Variants in KIR2DL1 observed in about 807,000 individuals in gnomAD.
The protein encoded by KIR2DL1 is killer cell immunoglobulin-like receptor 2DL1.
In KIR2DL1, 38 loss-of-function variants were observed where a neutral mutation model predicts 33.9. The ratio of observed to expected loss-of-function variants is 1.12; its 90% CI spans 0.86 to 1.47. KIR2DL1 has a LOEUF of 1.47. Ranked by LOEUF, KIR2DL1 falls within the 40% of genes most tolerant of loss-of-function variation. The probability of loss-of-function intolerance (pLI) is 0.00; values close to 1 mark genes in which losing one functional copy is unlikely to be tolerated. For missense variants in KIR2DL1, 531 were observed against 433.9 expected (o/e 1.22, Z -1.99); for synonymous variants, 179 against 165.9 (o/e 1.08, Z -0.61).
chr19:54,770,031 G>C, intron 1 of KIR2DL1, 147 bp downstream of exon 1: 2 of 1,036,458 alleles, frequency 1.9e-6, no homozygotes, highest in South Asian at 2.6e-5. Flanking sequence ...ATGGAGTGAT[G>C]GGCCTAGAAG....
intron 5 of KIR2DL1, among the ~76,000 whole-genome samples, chr19:54,782,619 G>A: frequency 6.6e-6 from 1 of 152,036 alleles, no homozygotes; most frequent in Admixed American, 6.5e-5. Flanking sequence ...TGTTCATGAT[G>A]GATCCACCTC....
Position 54,769,868 on chromosome 19 carries a change from C to A in KIR2DL1, c.18C>A (p.Val6=). 1 of 1,569,718 alleles carries A rather than the reference C, an allele frequency of 6.4e-7. No individual in the cohort carries two copies. The highest frequency in any genetic ancestry group is 8.7e-7 in the Non-Finnish European group (1 of 1,147,024). Residue 6 remains valine, a synonymous_variant, in exon 1 of 8, where the codon GTC becomes GTA. Coordinates refer to ENST00000336077, the MANE Select transcript of KIR2DL1 (RefSeq NM_014218.3). ...GCAGCACCATGTCGCTCTTGGTCGT[C>A]AGCATGGCGTGTGTTGGTGAGTCCT... MSLLV[V]SMACVGFFLL...
intron 5 of KIR2DL1, among the ~76,000 whole-genome samples, chr19:54,781,439 G>T (rs1365485949): frequency 1.3e-5 from 2 of 149,644 alleles, no homozygotes; most frequent in Non-Finnish European, 3.0e-5. Context: ...AAAAAAACTT[G>T]CCCACTCACC....
chr19:54,782,918 C>T lies in KIR2DL1; in HGVS notation c.716-4C>T. 1.9e-6 allele frequency: 3 copies of T among 1,613,016 alleles called. No homozygotes were observed. The highest frequency in any genetic ancestry group is 1.7e-6 in the Non-Finnish European group (2 of 1,179,254). The stretch of plus-strand genomic sequence containing the variant: ...CTTCTTATTGGTGTCTCATCTTCTT[C>T]CAGGTAACCCCCGACACCTGCACAT... On this transcript the variant is annotated splice_region_variant and splice_polypyrimidine_tract_variant and intron_variant, in intron 5 of 7. Coordinates refer to ENST00000336077, the MANE Select transcript of KIR2DL1 (RefSeq NM_014218.3).
intron 3 of KIR2DL1, among the ~76,000 whole-genome samples, chr19:54,774,921 G>A (rs544250778): frequency 1.3e-5 from 2 of 148,464 alleles, no homozygotes; most frequent in African/African-American, 4.9e-5. Context: ...TCCAAGGAGA[G>A]TCAGAGAGAA....
chr19:54,775,047 T>TGAGA lies in KIR2DL1; in HGVS notation c.371-102_371-99dup, dbSNP rs770060244. On this transcript the variant is annotated intron_variant, in intron 3 of 7. Transcript: ENST00000336077. Reference sequence around the variant, plus strand: ...ACATGAAGAGCGATGGGGTAGAGGGTGAGAGAGAGAGAGAGAGAGCATTAG... The same window carrying TGAGA: ...ACATGAAGAGCGATGGGGTAGAGGGTGAGAGAGAGAGAGAGAGAGAGAGCATTAG... The TGAGA allele has an allele frequency of 8.0e-5, 93 of 1,169,168 alleles. 4 individuals are homozygous for TGAGA. In the Admixed American group the frequency reaches 9.4e-4, roughly 12 times the overall value. 72.4% of individuals were successfully genotyped at this position (1,169,168 alleles called of 1,614,324 possible). A position where few individuals can be genotyped will look rare whatever the true frequency, so the allele number is the denominator to read the frequency against.
intron 3 of KIR2DL1, among the ~76,000 whole-genome samples, chr19:54,774,607 G>C (rs1207334494): frequency 1.3e-5 from 2 of 148,280 alleles, no homozygotes; most frequent in African/African-American, 2.5e-5. Context: ...ATGAGACATA[G>C]AGATGATGAT....
chr19:54,782,058 T>C (rs769777468), intron 5 of KIR2DL1, among the ~76,000 whole-genome samples: 1 of 152,048 alleles, frequency 6.6e-6, no homozygotes, highest in East Asian at 1.9e-4. Flanking sequence ...GAAACCTATA[T>C]TTCAATGTGA....
At chr19:54,771,812 A>T (rs149210665) in intron 2 of KIR2DL1, among the ~76,000 whole-genome samples, 2,405 of 147,894 alleles carry the variant, frequency 0.016, 213 homozygotes, top group South Asian at 0.037. Context: ...ACACGCAGGG[A>T]CCTATACATG....
At chr19:54,775,670 C>T (rs1356069929) in intron 4 of KIR2DL1, among the ~76,000 whole-genome samples, 1 of 148,476 alleles carries the variant, frequency 6.7e-6, no homozygotes, top group East Asian at 1.9e-4. Flanking sequence ...CTCCAGGCAC[C>T]CAGGCAGATG....
At position 54,778,993 on chromosome 19, in the gene KIR2DL1, A is replaced by T. The variant is rs558833780; in HGVS notation, c.715+331A>T. 3.4e-5 allele frequency among the ~76,000 whole-genome samples: 5 copies of T among 146,688 alleles called. No individual in the cohort carries two copies. The South Asian group carries it at 8.6e-4, about 25-fold the overall frequency. On this transcript the variant is annotated intron_variant, in intron 5 of 7. Coordinates refer to ENST00000336077, the MANE Select transcript of KIR2DL1 (RefSeq NM_014218.3). ...CCTGGAGACTTGAGAGAGGGAAGGG[A>T]AGGGAACATCTGATGAGGGCAAGGT...
chr19:54,776,307 C>G (rs1474819224), intron 4 of KIR2DL1, among the ~76,000 whole-genome samples: 1 of 147,638 alleles, frequency 6.8e-6, no homozygotes, highest in Non-Finnish European at 1.5e-5. Context: ...AGCCACCATT[C>G]TACTCTCTAC....
At position 54,783,390 on chromosome 19, in the gene KIR2DL1, C is replaced by G. The variant is rs551635919; in HGVS notation, c.818-96C>G. 1,657 of 1,406,098 alleles carry G rather than the reference C, an allele frequency of 1.2e-3. 12 individuals are homozygous for G. In the African/African-American group the frequency reaches 0.016, roughly 14 times the overall value. The allele number at this position is 1,406,098 out of a possible 1,614,324, so 87.1% of individuals were successfully genotyped here. A position where few individuals can be genotyped will look rare whatever the true frequency, so the allele number is the denominator to read the frequency against. ...GCTGTTGGCAACTGAGGGACCTCAG[C>G]CACCTATGGTCTCCCCCTGTATGTT... is the stretch of plus-strand genomic sequence containing the variant. On this transcript the variant is annotated intron_variant, in intron 6 of 7. Transcript: ENST00000336077.
chr19:54,775,037 G>A, intron 3 of KIR2DL1, 128 bp from the exon 4 acceptor site: 9 of 1,276,028 alleles, frequency 7.1e-6, no homozygotes, highest in South Asian at 1.5e-5. Flanking sequence ...AAGAGCGATG[G>A]GGTAGAGGGT....
rs1266809931 is a variant in KIR2DL1, at chr19:54,776,355, G to A, written c.664+897G>A. Among the ~76,000 whole-genome samples the A allele has an allele frequency of 2.7e-3, 396 of 146,448 alleles. 2 individuals are homozygous for A. Among genetic ancestry groups the A allele is most frequent in the African/African-American group, 9.7e-3 (386 of 39,942 alleles). ...CACCTTTTAGCTCCTGTATATGGGT[G>A]AGAAATGGGAATCTTTTTAATGACC... On this transcript the variant is annotated intron_variant, in intron 4 of 7. Transcript: ENST00000336077.
rs763459187 is a variant in KIR2DL1 at position 54,770,847 on chromosome 19, A to G, written c.35-2A>G. ...GTCATCCATCATGATCTTTCTTTCCAGGGTTCTTCTTGCTGCAGGGGGCCT... is the reference window on the plus strand; with the variant it reads ...GTCATCCATCATGATCTTTCTTTCCGGGGTTCTTCTTGCTGCAGGGGGCCT... On this transcript the variant is annotated splice_acceptor_variant, in intron 1 of 7. Transcript: ENST00000336077. LOFTEE classifies it high-confidence loss of function. The G allele has an allele frequency of 6.3e-7, 1 of 1,584,552 alleles. No individual in the cohort carries two copies. The highest frequency in any genetic ancestry group is 1.7e-5 in the Admixed American group (1 of 58,870).
chr19:54,777,883 G>C (rs1240461896), intron 4 of KIR2DL1, among the ~76,000 whole-genome samples: 2 of 147,706 alleles, frequency 1.4e-5, no homozygotes, highest in African/African-American at 2.5e-5. Flanking sequence ...TCATTCCTCT[G>C]CATGTAGATG....
chr19:54,783,934 C>T lies in KIR2DL1; in HGVS notation c.*121C>T. 7.2e-7 allele frequency: 1 copy of T among 1,391,822 alleles called. No individual in the cohort carries two copies. Among genetic ancestry groups the T allele is most frequent in the Non-Finnish European group, 1.0e-6 (1 of 980,688 alleles). 86.2% of individuals were successfully genotyped at this position (1,391,822 alleles called of 1,614,324 possible). On this transcript the variant is annotated 3_prime_UTR_variant, in exon 8 of 8. Transcript: ENST00000336077. The stretch of plus-strand genomic sequence containing the variant: ...GAAGGCGTGAGTCTGCATCTTAGGG[C>T]ATCGATCTTCCTCACACCACAAATC...
chr19:54,773,772 C>G, intron 3 of KIR2DL1, 140 bp downstream of exon 3: 2 of 958,414 alleles, frequency 2.1e-6, no homozygotes, highest in Non-Finnish European at 3.1e-6. Context: ...TCTGTGCCAA[C>G]AGAGACAGAG....
Sources: gnomAD v4.1 joint callset for allele counts (sites outside exome capture counted in the v4.1 genomes callset) on GRCh38, gnomAD v4.1.1 for gene constraint, MANE v1.5 for transcripts, NCBI Gene and HGNC (gene_info 2026-07-23, HGNC 2026-07-21) for gene names.